ZNF354A: variants seen among roughly 807,000 people sequenced by gnomAD.
The protein encoded by ZNF354A is zinc finger protein 354A.
ZNF354A carries 25 observed loss-of-function variants against 53.3 expected under a neutral mutation model. The observed-to-expected ratio is 0.47, with a 90% CI of 0.34 to 0.66. The LOEUF (loss-of-function observed/expected upper bound fraction) is 0.66, where lower values mean the gene tolerates loss of function less well. ZNF354A is among the 30% of genes least tolerant of loss of function. The pLI, the probability that ZNF354A is intolerant of heterozygous loss-of-function variation, is 0.01. For missense variants in ZNF354A, 586 were observed against 716.8 expected (o/e 0.82, Z 2.08); for synonymous variants, 228 against 249.0 (o/e 0.92, Z 0.79).
intron 4 of ZNF354A, among the ~76,000 whole-genome samples, chr5:178,717,026 C>T (rs2113871764): frequency 1.4e-5 from 2 of 140,194 alleles, no homozygotes; most frequent in South Asian, 4.5e-4. Flanking sequence ...TGCAGTGAGC[C>T]CAGATCACAT....
chr5:178,721,403 A>G (rs1184059914), intron 4 of ZNF354A, among the ~76,000 whole-genome samples: 1 of 152,206 alleles, frequency 6.6e-6, no homozygotes, highest in African/African-American at 2.4e-5. Flanking sequence ...GACAGGAAAA[A>G]TGCAGTATTA....
chr5:178,713,145 T>C lies in ZNF354A; in HGVS notation c.733A>G (p.Lys245Glu). 2 of 1,614,174 alleles carry C rather than the reference T, an allele frequency of 1.2e-6. No individual in the cohort carries two copies. Among genetic ancestry groups the C allele is most frequent in the South Asian group, 1.1e-5 (1 of 91,082 alleles). ...NHSGEKLFKCKECSKAFSQSS... is the reference protein window; with the variant it reads ...NHSGEKLFKCEECSKAFSQSS... ...TGGCTAAAGGCTTTTGAACATTCTT[T>C]ACACTTAAATAGTTTCTCTCCACTA... Residue 245 changes from lysine (K) to glutamate (E), a missense_variant, in exon 5 of 5, where the codon AAA becomes GAA. Around this residue, in one of 2 missense-constraint regions of ZNF354A, gnomAD observed 573 missense variants for 680.1 expected, o/e 0.84. Transcript: ENST00000335815.
rs746413699 is a variant in ZNF354A at position 178,726,967 on chromosome 5, G to A, written c.160+32C>T. 5 of 1,580,230 alleles carry A rather than the reference G, an allele frequency of 3.2e-6. No homozygotes were observed. In the East Asian group the frequency reaches 9.0e-5, roughly 28 times the overall value. On this transcript the variant is annotated intron_variant, in intron 3 of 4. Transcript: ENST00000335815. Reference sequence around the variant, plus strand: ...GAGGTGCTGAGATATCCCAATTTTTGAATTCTGTTTCTAGAGGGAAAATTT... The same window carrying A: ...GAGGTGCTGAGATATCCCAATTTTTAAATTCTGTTTCTAGAGGGAAAATTT...
At chr5:178,721,174 A>C (rs1417090803) in intron 4 of ZNF354A, among the ~76,000 whole-genome samples, 1 of 152,206 alleles carries the variant, frequency 6.6e-6, no homozygotes, top group African/African-American at 2.4e-5. Flanking sequence ...TTTCTAAAAA[A>C]AATAATTGCA....
At chr5:178,718,486 C>A (rs2113873376) in intron 4 of ZNF354A, among the ~76,000 whole-genome samples, 1 of 152,348 alleles carries the variant, frequency 6.6e-6, no homozygotes, top group Non-Finnish European at 1.5e-5. Flanking sequence ...ACTCCCACAC[C>A]TCTTATGTGT....
Position 178,730,657 on chromosome 5 carries a change from T to C in ZNF354A, c.-153A>G, listed in dbSNP as rs1453105208. On this transcript the variant is annotated 5_prime_UTR_variant, in exon 1 of 5. Transcript: ENST00000335815. ...GCGACCCGGCTCCGCCCCGACGGCG[T>C]CTGGGCGACCTCAGGCCCGGCGCCG... 3 of 151,614 alleles carry C rather than the reference T, an allele frequency of 2.0e-5. No individual in the cohort carries two copies. The highest frequency in any genetic ancestry group is 2.9e-5 in the Non-Finnish European group (2 of 67,874). The allele number at this position is 151,614 out of a possible 1,614,324, so 9.4% of individuals were successfully genotyped here.
intron 4 of ZNF354A, among the ~76,000 whole-genome samples, chr5:178,724,120 C>T (rs1173313294): frequency 6.6e-6 from 1 of 152,128 alleles, no homozygotes; most frequent in Non-Finnish European, 1.5e-5. Context: ...ACCCTGATCA[C>T]GTGGGCGCCG....
chr5:178,713,984 G>GGT (rs1554093771), intron 4 of ZNF354A, among the ~76,000 whole-genome samples: 5 of 141,718 alleles, frequency 3.5e-5, no homozygotes, highest in East Asian at 4.1e-4. Context: ...ATTTTTTTTT[G>GGT]TTTTTTTTTT....
intron 3 of ZNF354A, 103 bp from the exon 4 acceptor site, chr5:178,725,574 G>A (rs541198820): frequency 1.6e-6 from 2 of 1,253,136 alleles, no homozygotes; most frequent in East Asian, 4.8e-5. Flanking sequence ...GGTACAAAGA[G>A]CTTCTGTGTA....
Position 178,713,096 on chromosome 5 carries a change from T to C in ZNF354A, c.782A>G (p.Gln261Arg). ...GGGTTTCTCTCCAGTATGCGTTATT[T>C]GATGTTGAATAAGAGCTGAACTTTG... ...FSQSSALIQH[Q>R]ITHTGEKPYI... Residue 261 changes from glutamine to arginine, a missense_variant, in exon 5 of 5, where the codon CAA becomes CGA. By Grantham distance (43) the Gln-to-Arg change is conservative. Transcript: ENST00000335815. The C allele has an allele frequency of 6.2e-7, 1 of 1,613,952 alleles. No individual in the cohort carries two copies. The highest frequency in any genetic ancestry group is 8.5e-7 in the Non-Finnish European group (1 of 1,179,868).
intron 4 of ZNF354A, among the ~76,000 whole-genome samples, chr5:178,714,228 C>G (rs1198346596): frequency 6.6e-6 from 1 of 152,062 alleles, no homozygotes. Context: ...TGGCCTTGAA[C>G]TCCTGACCTC....
chr5:178,719,775 G>A lies in ZNF354A; in HGVS notation c.256+5601C>T, dbSNP rs1027526983. 1.3e-3 allele frequency among the ~76,000 whole-genome samples: 203 copies of A among 152,032 alleles called. 3 individuals carry two copies. Among genetic ancestry groups the A allele is most frequent in the African/African-American group, 4.7e-3 (197 of 41,480 alleles). ...ATCCCGGCTAAAACGGTGAAACCCC[G>A]TCTCTACTAAAAATACAAAAAATTA... is the stretch of plus-strand genomic sequence containing the variant. On this transcript the variant is annotated intron_variant, in intron 4 of 4. Transcript: ENST00000335815.
chr5:178,728,688 T>C (rs1192031774), intron 2 of ZNF354A, among the ~76,000 whole-genome samples: 9 of 147,148 alleles, frequency 6.1e-5, no homozygotes, highest in Non-Finnish European at 1.3e-4. Flanking sequence ...TCCCAGCTAC[T>C]TGGGAGGCTG....
In ZNF354A at chr5:178,713,189, C is replaced by T. The variant is rs371403291; in HGVS notation, c.689G>A (p.Arg230His). The T allele has an allele frequency of 4.6e-5, 75 of 1,614,090 alleles. No homozygotes were observed. The highest frequency in any genetic ancestry group is 9.3e-5 in the African/African-American group (7 of 75,040). Residue 230 changes from arginine (R) to histidine (H), a missense_variant, in exon 5 of 5, where the codon CGT (arginine) becomes CAT (histidine). Around this residue, in one of 2 missense-constraint regions of ZNF354A, gnomAD observed 573 missense variants for 680.1 expected, o/e 0.84. Coordinates refer to ENST00000335815, the MANE Select transcript of ZNF354A (RefSeq NM_005649.3). ...TCCACTATGGTTTTTCTCATGTTTA[C>T]GAAGGGATGAAGTGTTAATGAAGGT... The part of the protein sequence containing the change: ...EKTFINTSSL[R>H]KHEKNHSGEK...
chr5:178,713,742 G>GA (rs1765667284), intron 4 of ZNF354A, 121 bp from the exon 5 acceptor site: 10 of 1,260,062 alleles, frequency 7.9e-6, no homozygotes, highest in Middle Eastern at 2.3e-4. Flanking sequence ...ATATCTGTAT[G>GA]AAAAAAATTG....
Position 178,711,928 on chromosome 5 carries a change from T to C in ZNF354A, c.*132A>G, listed in dbSNP as rs1765625164. 11 of 1,113,240 alleles carry C rather than the reference T, an allele frequency of 9.9e-6. No individual in the cohort carries two copies. The highest frequency in any genetic ancestry group is 3.0e-5 in the Admixed American group (1 of 33,738). The allele number at this position is 1,113,240 out of a possible 1,614,324, so 69.0% of individuals were successfully genotyped here. A position where few individuals can be genotyped will look rare whatever the true frequency, so the allele number is the denominator to read the frequency against. On this transcript the variant is annotated 3_prime_UTR_variant, in exon 5 of 5. Coordinates refer to ENST00000335815, the MANE Select transcript of ZNF354A (RefSeq NM_005649.3). ...CTATTATATAGCTGAGGTTTATCCA[T>C]GGAATTAAATACCTAATGAGGGCTA...
intron 4 of ZNF354A, among the ~76,000 whole-genome samples, chr5:178,723,314 C>T (rs1765847084): frequency 6.6e-6 from 1 of 152,220 alleles, no homozygotes; most frequent in African/African-American, 2.4e-5. Flanking sequence ...AAGCCCTGCA[C>T]TGTGGCCGTC....
At position 178,712,303 on chromosome 5, in the gene ZNF354A, C is replaced by T. The variant is rs757810835; in HGVS notation, c.1575G>A (p.Glu525=). The T allele has an allele frequency of 8.1e-6, 13 of 1,613,910 alleles. No homozygotes were observed. The highest frequency in any genetic ancestry group is 1.0e-5 in the Non-Finnish European group (12 of 1,179,984). The change falls in exon 5 of 5, where the codon GAG becomes GAA. Residue 525 remains glutamate (E), a synonymous_variant. Transcript: ENST00000335815. ...IHTGEKPYRC[E]ECGISFGQSS... is the part of the protein sequence containing the mutation. Reference sequence around the variant, plus strand: ...TTTGGCCAAAAGATATCCCACATTCCTCACATCGATATGGTTTCTCTCCAG... The same window carrying T: ...TTTGGCCAAAAGATATCCCACATTCTTCACATCGATATGGTTTCTCTCCAG...
chr5:178,715,903 T>G (rs1208999397), intron 4 of ZNF354A, among the ~76,000 whole-genome samples: 1 of 80,742 alleles, frequency 1.2e-5, no homozygotes, highest in African/African-American at 3.8e-5. Flanking sequence ...CTCTGTGGTT[T>G]TTTTTTTTTT....
Sources: gnomAD v4.1 joint callset for allele counts (sites outside exome capture counted in the v4.1 genomes callset) on GRCh38, gnomAD v4.1.1 for gene constraint, gnomAD v4.1.1 regional missense constraint, MANE v1.5 for transcripts, NCBI Gene and HGNC (gene_info 2026-07-23, HGNC 2026-07-21) for gene names.